CRAMP1: variants seen among roughly 807,000 people sequenced by gnomAD.
CRAMP1 encodes the protein cramped chromatin regulator 1.
CRAMP1 carries 50 observed loss-of-function variants against 115.4 expected under a neutral mutation model. The ratio of observed to expected loss-of-function variants is 0.43; its 90% CI spans 0.35 to 0.55. The LOEUF is 0.55. Among genes scored for constraint, CRAMP1 ranks in the 20% least tolerant of loss-of-function variants. CRAMP1 has a pLI of 0.01. For missense variants in CRAMP1, 1,679 were observed against 1,721.7 expected, an observed-to-expected ratio of 0.98 and a Z score of 0.44; for synonymous variants, 866 against 745.4, an observed-to-expected ratio of 1.16 and a Z score of -2.64.
rs941322877 is a variant in CRAMP1 at position 1,615,026 on chromosome 16, CG to C, written c.346+45del. 7 of 1,145,908 alleles carry C rather than the reference CG, an allele frequency of 6.1e-6. No individual in the cohort carries two copies. In the African/African-American group the frequency reaches 9.6e-5, roughly 16 times the overall value. The allele number at this position is 1,145,908 out of a possible 1,614,324, so 71.0% of individuals were successfully genotyped here. ...CCCTTGGGAGACCCCAGCCCCTCTC[CG>C]GGGTGTGCCGCGGGGGAGAGGAACC... On this transcript the variant is annotated intron_variant, in intron 2 of 20. Coordinates refer to ENST00000397412, the MANE Select transcript of CRAMP1 (RefSeq NM_020825.4).
rs563553902 is a variant in CRAMP1, at chr16:1,653,891, C to T, written c.1037+735C>T. On this transcript the variant is annotated intron_variant, in intron 8 of 20. Coordinates refer to ENST00000397412, the MANE Select transcript of CRAMP1 (RefSeq NM_020825.4). The stretch of plus-strand genomic sequence containing the variant: ...GTGTGGAGGCTCACGCCTGTAATCC[C>T]AGCACTTTGGGAGGCCAAGGCAGGT... Among the ~76,000 whole-genome samples the T allele has an allele frequency of 7.0e-4, 106 of 151,272 alleles. 4 individuals carry two copies. The highest frequency in any genetic ancestry group is 6.7e-3 in the South Asian group (32 of 4,792).
At chr16:1,623,106 A>T (rs1231264340) in intron 2 of CRAMP1, among the ~76,000 whole-genome samples, 1 of 152,218 alleles carries the variant, frequency 6.6e-6, no homozygotes, top group East Asian at 1.9e-4. Context: ...CATGTTGTCC[A>T]GGCTTGTCTT....
chr16:1,648,466 G>T (rs573175791), intron 6 of CRAMP1, among the ~76,000 whole-genome samples: 5 of 152,052 alleles, frequency 3.3e-5, no homozygotes, highest in African/African-American at 1.2e-4. Context: ...TTAGCCAGGG[G>T]TGGTGGTGGG....
rs987906801 is a variant in CRAMP1 at position 1,676,050 on chromosome 16, C to G, written c.*2005C>G. The G allele has an allele frequency of 3.9e-5, 6 of 152,282 alleles. No homozygotes were observed. The highest frequency in any genetic ancestry group is 7.3e-5 in the Non-Finnish European group (5 of 68,076). 9.4% of individuals were successfully genotyped at this position (152,282 alleles called of 1,614,324 possible). A position where few individuals can be genotyped will look rare whatever the true frequency, so the allele number is the denominator to read the frequency against. On this transcript the variant is annotated 3_prime_UTR_variant, in exon 21 of 21. Transcript: ENST00000397412. ...GCTAGCTTTCTCATACTCCCACAGGCTAGACCAGAGATGCCAAGTCCCAAC... is the reference window on the plus strand; with the variant it reads ...GCTAGCTTTCTCATACTCCCACAGGGTAGACCAGAGATGCCAAGTCCCAAC...
intron 4 of CRAMP1, among the ~76,000 whole-genome samples, chr16:1,633,250 A>C (rs990936379): frequency 6.6e-6 from 1 of 152,144 alleles, no homozygotes; most frequent in Admixed American, 6.5e-5. Context: ...ATGGTGCATC[A>C]GCTTTGCCCG....
At chr16:1,616,325 C>T (rs1596480226) in intron 2 of CRAMP1, among the ~76,000 whole-genome samples, 3 of 152,264 alleles carry the variant, frequency 2.0e-5, no homozygotes, top group Middle Eastern at 3.4e-3. Flanking sequence ...TGAATCCAGC[C>T]GGCATTCGTC....
Position 1,614,167 on chromosome 16 carries a change from G to C in CRAMP1, c.-1-472G>C, listed in dbSNP as rs1396622283. On this transcript the variant is annotated intron_variant, in intron 1 of 20. Coordinates refer to ENST00000397412, the MANE Select transcript of CRAMP1 (RefSeq NM_020825.4). The surrounding 1 kb of genome is among the most constrained non-coding windows in gnomAD (Gnocchi z 4.4). Reference sequence around the variant, plus strand: ...CTAGGGCTGGGGCTGCGGCCCGGCCGGCCGAGGCGGCGCAGGGAGCGAGGC... The same window carrying C: ...CTAGGGCTGGGGCTGCGGCCCGGCCCGCCGAGGCGGCGCAGGGAGCGAGGC... Among the ~76,000 whole-genome samples the C allele has an allele frequency of 6.7e-6, 1 of 148,708 alleles. No homozygotes were observed. The highest frequency in any genetic ancestry group is 2.0e-4 in the East Asian group (1 of 5,052).
chr16:1,641,061 C>T (rs955087586), intron 5 of CRAMP1, 78 bp from the exon 6 acceptor site: 22 of 977,962 alleles, frequency 2.2e-5, no homozygotes, highest in Middle Eastern at 2.5e-4. Context: ...CTATATTGAG[C>T]GGAATTGTAT....
At chr16:1,647,126 G>A in intron 6 of CRAMP1, 1 of 699,032 alleles carries the variant, frequency 1.4e-6, no homozygotes, top group African/African-American at 1.7e-5. Context: ...AAAGCGATTG[G>A]GGTATTTGAC....
intron 8 of CRAMP1, among the ~76,000 whole-genome samples, chr16:1,654,369 G>T (rs529763951): frequency 2.0e-5 from 3 of 151,692 alleles, no homozygotes; most frequent in African/African-American, 7.3e-5. Context: ...GTGCCACCAC[G>T]CCTGGCTAAT....
Position 1,674,283 on chromosome 16 carries a change from C to G in CRAMP1, c.*238C>G, listed in dbSNP as rs1224738426. ...TCACTGTGGTACTAGAGCCGTTCTTCACCACGCCTGGGCCCATGTTAGGGT... is the reference window on the plus strand; with the variant it reads ...TCACTGTGGTACTAGAGCCGTTCTTGACCACGCCTGGGCCCATGTTAGGGT... On this transcript the variant is annotated 3_prime_UTR_variant, in exon 21 of 21. Transcript: ENST00000397412. 7.2e-6 allele frequency: 4 copies of G among 554,462 alleles called. No individual in the cohort carries two copies. The highest frequency in any genetic ancestry group is 9.7e-6 in the Non-Finnish European group (3 of 309,880). The allele number at this position is 554,462 out of a possible 1,614,324, so 34.3% of individuals were successfully genotyped here. A position where few individuals can be genotyped will look rare whatever the true frequency, so the allele number is the denominator to read the frequency against.
chr16:1,635,266 C>T (rs555652522), intron 4 of CRAMP1, among the ~76,000 whole-genome samples: 135 of 152,296 alleles, frequency 8.9e-4, no homozygotes, highest in African/African-American at 3.0e-3. Flanking sequence ...CATCTTGTGG[C>T]GTGAGACACA....
chr16:1,622,743 C>T (rs1489322699), intron 2 of CRAMP1, among the ~76,000 whole-genome samples: 8 of 150,640 alleles, frequency 5.3e-5, no homozygotes, highest in Non-Finnish European at 7.4e-5. Context: ...CCACCACGCC[C>T]GGCAGTCTAC....
chr16:1,622,970 A>G (rs888330031), intron 2 of CRAMP1, among the ~76,000 whole-genome samples: 3 of 152,062 alleles, frequency 2.0e-5, no homozygotes, highest in Non-Finnish European at 4.4e-5. Context: ...CACATTGGCC[A>G]GACTGATCTC....
chr16:1,617,835 T>C (rs1379224078), intron 2 of CRAMP1, among the ~76,000 whole-genome samples: 1 of 152,254 alleles, frequency 6.6e-6, no homozygotes, highest in Non-Finnish European at 1.5e-5. Flanking sequence ...TCTTCTTGCA[T>C]TGATAAAGCG....
intron 13 of CRAMP1, among the ~76,000 whole-genome samples, chr16:1,663,711 C>T (rs1456430392): frequency 1.3e-5 from 2 of 152,194 alleles, no homozygotes; most frequent in South Asian, 4.1e-4. Context: ...GGAAACCCTG[C>T]TCCTATGAAC....
intron 13 of CRAMP1, among the ~76,000 whole-genome samples, chr16:1,663,577 C>T (rs985369420): frequency 1.3e-5 from 2 of 152,134 alleles, no homozygotes; most frequent in African/African-American, 4.8e-5. Flanking sequence ...TAATTTAAAA[C>T]AACTTTATAG....
At chr16:1,660,462 GA>G (rs1383947388) in intron 11 of CRAMP1, among the ~76,000 whole-genome samples, 1 of 152,162 alleles carries the variant, frequency 6.6e-6, no homozygotes, top group African/African-American at 2.4e-5. Context: ...TCAGTTAGGG[GA>G]GGTGCCAGTA....
chr16:1,613,370 ATC>A (rs944208455), intron 1 of CRAMP1, among the ~76,000 whole-genome samples: 7 of 152,026 alleles, frequency 4.6e-5, no homozygotes, highest in Non-Finnish European at 1.0e-4. Flanking sequence ...CCATTTCCCG[ATC>A]TCTCGGAAAG....
Sources: gnomAD v4.1 joint callset for allele counts (sites outside exome capture counted in the v4.1 genomes callset) on GRCh38, gnomAD v4.1.1 for gene constraint, Gnocchi (gnomAD v3.1) non-coding constraint, MANE v1.5 for transcripts, NCBI Gene and HGNC (gene_info 2026-07-23, HGNC 2026-07-21) for gene names.